The following SMAD1 variants were observed in gnomAD, a reference collection of about 807,000 sequenced individuals.
SMAD1 encodes the protein SMAD family member 1.
SMAD1 carries 6 observed loss-of-function variants against 41.6 expected under a neutral mutation model. That is an observed-to-expected ratio of 0.14 (90% CI 0.08 to 0.28). SMAD1 has a LOEUF of 0.28. Among genes scored for constraint, SMAD1 ranks in the 10% least tolerant of loss-of-function variants. The probability of loss-of-function intolerance (pLI) is 1.00; values close to 1 mark genes in which losing one functional copy is unlikely to be tolerated. For missense variants in SMAD1, 379 were observed against 582.6 expected (o/e 0.65, Z 3.60); for synonymous variants, 206 against 203.2 (o/e 1.01, Z -0.12).
intron 1 of SMAD1, among the ~76,000 whole-genome samples, chr4:145,504,988 A>G (rs574984816): frequency 6.6e-6 from 1 of 152,322 alleles, no homozygotes; most frequent in East Asian, 1.9e-4. Flanking sequence ...TTTTAACCCT[A>G]CGTCTTTAGT....
At chr4:145,515,208 G>A (rs541940736) in intron 2 of SMAD1, among the ~76,000 whole-genome samples, 195 bp downstream of exon 2, 11 of 151,500 alleles carry the variant, frequency 7.3e-5, no homozygotes, top group African/African-American at 2.4e-4. Flanking sequence ...AAGCCCCTGA[G>A]TGTTTCATAC....
chr4:145,555,214 AT>A (rs1732773103), intron 6 of SMAD1, among the ~76,000 whole-genome samples: 1 of 152,230 alleles, frequency 6.6e-6, no homozygotes, highest in Non-Finnish European at 1.5e-5. Context: ...TTATGTACAT[AT>A]GGGACTACAA....
chr4:145,556,725 C>G (rs571796866), intron 6 of SMAD1, among the ~76,000 whole-genome samples: 9 of 152,300 alleles, frequency 5.9e-5, no homozygotes, highest in Admixed American at 5.9e-4. Flanking sequence ...GAGTCTCTCT[C>G]TGTCACCGAC....
rs547621372 is a variant in SMAD1, at chr4:145,548,907, C to G, written c.997+1983C>G. ...ACTGGGAGATCAAAATTATCATCAC[C>G]AATGAGAGACAGATGGGTATCATAT... On this transcript the variant is annotated intron_variant, in intron 5 of 6. Transcript: ENST00000302085. 1.1e-4 allele frequency among the ~76,000 whole-genome samples: 16 copies of G among 152,144 alleles called. No homozygotes were observed. In the South Asian group the frequency reaches 3.3e-3, roughly 32 times the overall value.
intron 2 of SMAD1, among the ~76,000 whole-genome samples, chr4:145,519,664 A>AAAAG (rs1553946485): frequency 4.0e-5 from 6 of 148,500 alleles, no homozygotes; most frequent in East Asian, 2.0e-4. Flanking sequence ...AAAAAAAAAA[A>AAAAG]AACCCACTTT....
intron 1 of SMAD1, among the ~76,000 whole-genome samples, chr4:145,492,399 C>G (rs7686994): frequency 6.6e-6 from 1 of 152,116 alleles, no homozygotes; most frequent in Non-Finnish European, 1.5e-5. Flanking sequence ...TTACAGAGTT[C>G]GGGGAAACTT....
intron 1 of SMAD1, among the ~76,000 whole-genome samples, chr4:145,511,008 T>C (rs566219302): frequency 6.6e-6 from 1 of 152,286 alleles, no homozygotes; most frequent in African/African-American, 2.4e-5. Flanking sequence ...TTTATCTGAA[T>C]GGATAGCTAT....
chr4:145,520,656 A>G, intron 2 of SMAD1, among the ~76,000 whole-genome samples: 1 of 152,236 alleles, frequency 6.6e-6, no homozygotes, highest in Non-Finnish European at 1.5e-5. Context: ...TGAGCCCTCT[A>G]ACAAGATGGG....
intron 3 of SMAD1, among the ~76,000 whole-genome samples, chr4:145,541,681 A>G (rs1731943679): frequency 6.6e-6 from 1 of 152,306 alleles, no homozygotes; most frequent in South Asian, 2.1e-4. Flanking sequence ...TGAAGGAACA[A>G]CATGAGTTGT....
At chr4:145,533,946 A>G (rs1171020746) in intron 2 of SMAD1, among the ~76,000 whole-genome samples, 1 of 152,224 alleles carries the variant, frequency 6.6e-6, no homozygotes, top group Non-Finnish European at 1.5e-5. Flanking sequence ...ACCATAGAAT[A>G]TGACTGTTTT....
intron 5 of SMAD1, among the ~76,000 whole-genome samples, chr4:145,549,154 G>T (rs186498293): frequency 6.6e-6 from 1 of 152,138 alleles, no homozygotes; most frequent in African/African-American, 2.4e-5. Flanking sequence ...AAAGAGATAT[G>T]ACACCTGCAT....
intron 1 of SMAD1, among the ~76,000 whole-genome samples, chr4:145,487,117 C>T (rs1208698244): frequency 6.6e-6 from 1 of 151,946 alleles, no homozygotes; most frequent in Non-Finnish European, 1.5e-5. Flanking sequence ...AAAGAAAAGC[C>T]CTATATCTAA....
At chr4:145,485,455 A>T (rs1378526481) in intron 1 of SMAD1, among the ~76,000 whole-genome samples, 2 of 152,226 alleles carry the variant, frequency 1.3e-5, no homozygotes, top group Admixed American at 6.5e-5. Flanking sequence ...AGTGCTTAGT[A>T]GCTGCTTGTG....
intron 1 of SMAD1, among the ~76,000 whole-genome samples, chr4:145,506,525 A>G (rs1186570362): frequency 6.6e-6 from 1 of 152,120 alleles, no homozygotes; most frequent in Non-Finnish European, 1.5e-5. Context: ...GCTGAATTCC[A>G]TACTGGTGCA....
intron 1 of SMAD1, among the ~76,000 whole-genome samples, chr4:145,505,015 G>A (rs1185201076): frequency 6.6e-6 from 1 of 152,150 alleles, no homozygotes; most frequent in Non-Finnish European, 1.5e-5. Flanking sequence ...TCTTCTGTGA[G>A]TCTGTGGTTT....
chr4:145,547,645 G>A (rs1732321725), intron 5 of SMAD1, among the ~76,000 whole-genome samples: 2 of 152,160 alleles, frequency 1.3e-5, no homozygotes, highest in African/African-American at 2.4e-5. Flanking sequence ...ACTTTCATAT[G>A]TAAAGATGAA....
At chr4:145,507,854 G>A (rs1367352871) in intron 1 of SMAD1, among the ~76,000 whole-genome samples, 2 of 152,124 alleles carry the variant, frequency 1.3e-5, no homozygotes, top group African/African-American at 4.8e-5. Flanking sequence ...CAAGGCCATA[G>A]TATCATGGAC....
intron 1 of SMAD1, among the ~76,000 whole-genome samples, chr4:145,511,520 G>T (rs183281231): frequency 7.4e-4 from 112 of 152,190 alleles, no homozygotes; most frequent in Non-Finnish European, 1.5e-3. Context: ...TTCTACCTTG[G>T]CTTCCCAGAG....
intron 1 of SMAD1, among the ~76,000 whole-genome samples, chr4:145,486,408 A>G (rs1164722654): frequency 4.6e-5 from 7 of 152,228 alleles, no homozygotes; most frequent in Admixed American, 2.0e-4. Context: ...AAATTAGTCT[A>G]TCTTCCCTGA....
Sources: gnomAD v4.1 joint callset for allele counts (sites outside exome capture counted in the v4.1 genomes callset) on GRCh38, gnomAD v4.1.1 for gene constraint, MANE v1.5 for transcripts, NCBI Gene and HGNC (gene_info 2026-07-23, HGNC 2026-07-21) for gene names.